Variants in RPRD2 observed in about 807,000 individuals in gnomAD.
The protein encoded by RPRD2 is regulation of nuclear pre-mRNA domain containing 2.
Under a neutral mutation model 104.4 loss-of-function variants are expected in RPRD2, and 12 were observed. That is an observed-to-expected ratio of 0.11 (90% CI 0.07 to 0.19). RPRD2 has a LOEUF of 0.19. Ranked by LOEUF, RPRD2 falls within the 10% of genes least tolerant of loss-of-function variation. The pLI is 1.00. For synonymous variants in RPRD2, 714 were observed against 684.9 expected (o/e 1.04, Z -0.66); for missense variants, 1,543 against 1,790.1 (o/e 0.86, Z 2.49).
At chr1:150,414,041 C>T (rs1664143413) in intron 1 of RPRD2, among the ~76,000 whole-genome samples, 1 of 150,410 alleles carries the variant, frequency 6.6e-6, no homozygotes. Context: ...TTCAGTGAGC[C>T]AAGATTGTGA....
At chr1:150,388,866 A>G (rs1240333280) in intron 1 of RPRD2, among the ~76,000 whole-genome samples, 2 of 151,922 alleles carry the variant, frequency 1.3e-5, no homozygotes, top group Admixed American at 6.6e-5. Context: ...CAGCCCCTCA[A>G]AGTGCTAGGA....
intron 1 of RPRD2, among the ~76,000 whole-genome samples, chr1:150,416,328 A>G (rs1334801857): frequency 6.6e-6 from 1 of 152,152 alleles, no homozygotes; most frequent in Non-Finnish European, 1.5e-5. Flanking sequence ...AAAAGCTGAG[A>G]TCTTGATGAA....
At chr1:150,386,157 T>G (rs1331906713) in intron 1 of RPRD2, among the ~76,000 whole-genome samples, 3 of 152,196 alleles carry the variant, frequency 2.0e-5, no homozygotes, top group Non-Finnish European at 4.4e-5. Context: ...TTTTTTGAGA[T>G]GGTGGGGGAT....
chr1:150,465,981 C>G (rs1015946958), intron 10 of RPRD2, among the ~76,000 whole-genome samples: 10 of 141,784 alleles, frequency 7.1e-5, no homozygotes, highest in African/African-American at 2.7e-4. Context: ...CTACTGCACT[C>G]CAGCCTGGAC....
chr1:150,448,530 C>T (rs1304586176), intron 7 of RPRD2, among the ~76,000 whole-genome samples: 2 of 152,122 alleles, frequency 1.3e-5, no homozygotes, highest in Admixed American at 6.5e-5. Flanking sequence ...TATAATCATA[C>T]TTAATTACTC....
Position 150,398,512 on chromosome 1 carries a change from ATTTCCTTCCTTC to A in RPRD2, c.206-19071_206-19060del, listed in dbSNP as rs1431792874. On this transcript the variant is annotated intron_variant, in intron 1 of 10. Transcript: ENST00000369068. ...TGCCTGGCCTATTTTATTTTATTTT[ATTTCCTTCCTTC>A]TTTCCTTCCTTCCTTTCCCTTTCCC... Among the ~76,000 whole-genome samples, 18 of 145,138 alleles carry A rather than the reference ATTTCCTTCCTTC, an allele frequency of 1.2e-4. 1 individual carries two copies. Among genetic ancestry groups the A allele is most frequent in the Admixed American group, 7.6e-4 (11 of 14,426 alleles).
intron 9 of RPRD2, 150 bp downstream of exon 9, chr1:150,460,467 AAT>A: frequency 1.2e-6 from 1 of 804,886 alleles, no homozygotes; most frequent in Non-Finnish European, 1.9e-6. Flanking sequence ...GCAGTGGTGC[AAT>A]CTTGGCTCAC....
At chr1:150,418,747 C>CA (rs1664548515) in intron 2 of RPRD2, among the ~76,000 whole-genome samples, 1 of 152,194 alleles carries the variant, frequency 6.6e-6, no homozygotes, top group Non-Finnish European at 1.5e-5. Context: ...CACGGTGGCT[C>CA]ACGCCTGTAA....
At chr1:150,367,413 G>GC (rs1659920828) in intron 1 of RPRD2, among the ~76,000 whole-genome samples, 1 of 80,050 alleles carries the variant, frequency 1.2e-5, no homozygotes, top group Non-Finnish European at 3.9e-5. Context: ...GGTATCTTTG[G>GC]ACTCTGAGTT....
chr1:150,447,988 T>G (rs1411749597), intron 7 of RPRD2, among the ~76,000 whole-genome samples: 1 of 152,196 alleles, frequency 6.6e-6, no homozygotes, highest in African/African-American at 2.4e-5. Flanking sequence ...CCCAGTTTTG[T>G]TGTGTAACTG....
chr1:150,443,687 G>A (rs781966815), intron 5 of RPRD2, among the ~76,000 whole-genome samples: 4 of 152,130 alleles, frequency 2.6e-5, no homozygotes, highest in Non-Finnish European at 5.9e-5. Context: ...TTAGCTTTGT[G>A]TAATGAAGGA....
chr1:150,471,202 C>G lies in RPRD2; in HGVS notation c.2254C>G (p.Leu752Val). ...PTSSSVDTMS[L>V]LSKIISPGSS... ...ATCCAGCAGTGTAGATACTATGTCC[C>G]TGCTTTCTAAGATCATTAGCCCTGG... Residue 752 changes from leucine (L) to valine (V), a missense_variant, in exon 11 of 11, where the codon CTG (leucine) becomes GTG (valine). By Grantham distance (32) the Leu-to-Val change is conservative. This residue lies in a region of RPRD2 where 572 missense variants were observed against 787.3 expected (regional missense o/e 0.73). Transcript: ENST00000369068. This position sits in a 1 kb window ranked among gnomAD's most constrained non-coding sequence, Gnocchi z 5.3. The G allele has an allele frequency of 6.2e-7, 1 of 1,613,826 alleles. No homozygotes were observed. The highest frequency in any genetic ancestry group is 8.5e-7 in the Non-Finnish European group (1 of 1,179,862).
intron 2 of RPRD2, among the ~76,000 whole-genome samples, chr1:150,426,139 G>A (rs1572448872): frequency 6.6e-6 from 1 of 151,756 alleles, no homozygotes. Flanking sequence ...GCCACTTAAA[G>A]CCTTCTACAG....
chr1:150,376,543 C>T (rs1169466155), intron 1 of RPRD2, among the ~76,000 whole-genome samples: 1 of 151,570 alleles, frequency 6.6e-6, no homozygotes, highest in East Asian at 2.0e-4. Flanking sequence ...GTTTGTTGCC[C>T]AGGCTGGAGT....
chr1:150,396,353 T>C (rs1662526143), intron 1 of RPRD2, among the ~76,000 whole-genome samples: 1 of 152,208 alleles, frequency 6.6e-6, no homozygotes, highest in Admixed American at 6.5e-5. Context: ...AGCTCTTTAG[T>C]TTAATTAAGT....
intron 7 of RPRD2, among the ~76,000 whole-genome samples, chr1:150,456,583 C>T (rs1667538571): frequency 6.6e-6 from 1 of 150,494 alleles, no homozygotes; most frequent in Non-Finnish European, 1.5e-5. Context: ...GCCTGGATAA[C>T]ATAGCAGGAC....
rs1428769166 is a variant in RPRD2 at position 150,457,490 on chromosome 1, C to T, written c.1073C>T (p.Thr358Ile). 1.2e-6 allele frequency: 2 copies of T among 1,613,612 alleles called. No homozygotes were observed. The highest frequency in any genetic ancestry group is 2.2e-5 in the East Asian group (1 of 44,876). The part of the protein sequence containing the change: ...SPTMESEKSA[T>I]PEPVTDNRDV... The stretch of plus-strand genomic sequence containing the variant: ...ACCATGGAGAGTGAGAAATCTGCCA[C>T]ACCTGAACCTGTGACAGATAATCGT... Residue 358 changes from threonine (T) to isoleucine (I), a missense_variant, in exon 8 of 11, where the codon ACA becomes ATA. Thr to Ile is a moderately conservative substitution (Grantham distance 89). This residue lies in a region of RPRD2 where 572 missense variants were observed against 787.3 expected (regional missense o/e 0.73). Coordinates refer to ENST00000369068, the MANE Select transcript of RPRD2 (RefSeq NM_015203.5).
At chr1:150,404,084 CAGG>C (rs1663278246) in intron 1 of RPRD2, among the ~76,000 whole-genome samples, 3 of 152,178 alleles carry the variant, frequency 2.0e-5, no homozygotes, top group African/African-American at 4.8e-5. Flanking sequence ...CTATTGACTC[CAGG>C]AGAAGTAGAA....
intron 1 of RPRD2, among the ~76,000 whole-genome samples, chr1:150,405,200 A>G (rs1572407910): frequency 6.6e-6 from 1 of 152,184 alleles, no homozygotes; most frequent in East Asian, 1.9e-4. Flanking sequence ...ATATGTAACA[A>G]TGTTTAACAG....
Sources: gnomAD v4.1 joint callset for allele counts (sites outside exome capture counted in the v4.1 genomes callset) on GRCh38, gnomAD v4.1.1 for gene constraint, gnomAD v4.1.1 regional missense constraint, Gnocchi (gnomAD v3.1) non-coding constraint, MANE v1.5 for transcripts, NCBI Gene and HGNC (gene_info 2026-07-23, HGNC 2026-07-21) for gene names.